The following MYO10 variants were observed in gnomAD, a reference collection of about 807,000 sequenced individuals.
The protein encoded by MYO10 is myosin X.
In MYO10, 133 loss-of-function variants were observed where a neutral mutation model predicts 257.3. The observed-to-expected ratio is 0.52, with a 90% CI of 0.45 to 0.60. MYO10 has a LOEUF of 0.60. Ranked by LOEUF, MYO10 falls within the 20% of genes least tolerant of loss-of-function variation. MYO10 has a pLI of 0.00. For missense variants in MYO10, 2,399 were observed against 2,635.7 expected (o/e 0.91, Z 1.97); for synonymous variants, 1,104 against 1,028.6 (o/e 1.07, Z -1.40).
intron 1 of MYO10, among the ~76,000 whole-genome samples, chr5:16,922,986 G>A (rs1377732198): frequency 6.6e-6 from 1 of 152,008 alleles, no homozygotes. Flanking sequence ...AGCTGTGATA[G>A]TGCCACTGCA....
Position 16,662,471 on chromosome 5 carries a change from GCAC to G in MYO10, c.*4218_*4220del, listed in dbSNP as rs1736019000. On this transcript the variant is annotated 3_prime_UTR_variant, in exon 41 of 41. Transcript: ENST00000513610. The stretch of plus-strand genomic sequence containing the variant: ...CCCCAGTAGCTGGGACTACAGATGC[GCAC>G]CACCACACCTGGCTAATGTTAATTT... The G allele has an allele frequency of 1.3e-5, 2 of 151,580 alleles. No individual in the cohort carries two copies. Among genetic ancestry groups the G allele is most frequent in the Admixed American group, 1.3e-4 (2 of 15,184 alleles). 9.4% of individuals were successfully genotyped at this position (151,580 alleles called of 1,614,324 possible).
intron 4 of MYO10, among the ~76,000 whole-genome samples, chr5:16,790,382 A>T (rs1741715573): frequency 6.6e-6 from 1 of 152,140 alleles, no homozygotes; most frequent in Admixed American, 6.5e-5. Flanking sequence ...TATGTACTGC[A>T]AAGACCACAT....
rs56268767 is a variant in MYO10 at position 16,835,207 on chromosome 5, A to G, written c.121-17040T>C. On this transcript the variant is annotated intron_variant, in intron 2 of 40. Transcript: ENST00000513610. ...TAGAGGGGTGGGGAAGAATTTAGAG[A>G]TAACACACAAGGTATTTATTAATCC... 3.8e-3 allele frequency among the ~76,000 whole-genome samples: 572 copies of G among 152,218 alleles called. 4 individuals carry two copies. The highest frequency in any genetic ancestry group is 0.013 in the African/African-American group (552 of 41,538).
chr5:16,845,140 C>T (rs754580053), intron 2 of MYO10, among the ~76,000 whole-genome samples: 18 of 152,120 alleles, frequency 1.2e-4, no homozygotes, highest in Non-Finnish European at 2.1e-4. Flanking sequence ...CTTCCTGAGA[C>T]ACGGCCCAGA....
intron 3 of MYO10, chr5:16,815,425 T>C (rs1742573460): frequency 1.4e-6 from 1 of 700,724 alleles, no homozygotes; most frequent in African/African-American, 1.7e-5. Flanking sequence ...CATTGTGGAT[T>C]TGGAGTTTTT....
chr5:16,824,811 G>T lies in MYO10; in HGVS notation c.121-6644C>A, dbSNP rs183979392. On this transcript the variant is annotated intron_variant, in intron 2 of 40. Coordinates refer to ENST00000513610, the MANE Select transcript of MYO10 (RefSeq NM_012334.3). ...GAACCCGGGAGGCGGAGGTTGCAGT[G>T]AGCCAAGATCACACCACTACACACC... 1.5e-3 allele frequency among the ~76,000 whole-genome samples: 224 copies of T among 152,210 alleles called. 1 individual carries two copies. The highest frequency in any genetic ancestry group is 5.3e-3 in the African/African-American group (221 of 41,522).
At chr5:16,713,546 G>C in intron 19 of MYO10, 2 of 909,408 alleles carry the variant, frequency 2.2e-6, no homozygotes, top group Non-Finnish European at 2.6e-6. Flanking sequence ...ATTTGACACA[G>C]CCAGGGGAGG....
At chr5:16,900,016 A>G (rs1398597697) in intron 1 of MYO10, among the ~76,000 whole-genome samples, 1 of 151,662 alleles carries the variant, frequency 6.6e-6, no homozygotes, top group African/African-American at 2.4e-5. Context: ...AAAAAAAAAA[A>G]AAAAAAAAGA....
intron 1 of MYO10, chr5:16,902,283 A>G (rs1161224436): frequency 1.3e-6 from 1 of 788,646 alleles, no homozygotes; most frequent in South Asian, 1.3e-5. Flanking sequence ...AGTCTTTAAG[A>G]ACTCAGCTCC....
intron 10 of MYO10, 145 bp from the exon 11 acceptor site, chr5:16,766,343 T>C (rs1437613273): frequency 6.1e-6 from 4 of 653,204 alleles, no homozygotes; most frequent in African/African-American, 5.4e-5. Context: ...CTCATTCCCT[T>C]AGTGAATCCT....
chr5:16,715,782 G>A (rs763433553), intron 19 of MYO10, among the ~76,000 whole-genome samples: 3 of 152,026 alleles, frequency 2.0e-5, no homozygotes, highest in Non-Finnish European at 4.4e-5. Flanking sequence ...AAGGCCAGGC[G>A]CGGTGGCTCA....
rs760130791 is a variant in MYO10, at chr5:16,683,947, C to G, written c.3991-12G>C. ...ACATCCAAGGTGCCCTGGAAAAGAA[C>G]AAAAAGTAAACAGAATGAGAGAAGC... On this transcript the variant is annotated splice_polypyrimidine_tract_variant and intron_variant, in intron 29 of 40. Coordinates refer to ENST00000513610, the MANE Select transcript of MYO10 (RefSeq NM_012334.3). 1 of 1,612,216 alleles carries G rather than the reference C, an allele frequency of 6.2e-7. No individual in the cohort carries two copies. Among genetic ancestry groups the G allele is most frequent in the East Asian group, 2.2e-5 (1 of 44,864 alleles).
intron 2 of MYO10, among the ~76,000 whole-genome samples, chr5:16,874,103 C>T (rs535687641): frequency 8.6e-5 from 13 of 151,976 alleles, no homozygotes; most frequent in African/African-American, 1.9e-4. Context: ...GGGAGGCCAA[C>T]GTGGGTGGAT....
intron 9 of MYO10, among the ~76,000 whole-genome samples, chr5:16,778,614 C>A (rs962599145): frequency 6.6e-6 from 1 of 151,310 alleles, no homozygotes; most frequent in Non-Finnish European, 1.5e-5. Context: ...TGCTCTCTTC[C>A]GCTCCTGTAG....
chr5:16,751,070 A>C (rs6890128), intron 19 of MYO10, among the ~76,000 whole-genome samples: 39,279 of 152,082 alleles, frequency 0.26, 5,294 homozygotes, highest in South Asian at 0.33. Flanking sequence ...ATAATACACA[A>C]AATACCTAAA....
chr5:16,795,251 G>C (rs187580671), intron 3 of MYO10, among the ~76,000 whole-genome samples: 3 of 152,220 alleles, frequency 2.0e-5, no homozygotes, highest in Admixed American at 1.3e-4. Flanking sequence ...CCAGGGGTTG[G>C]GGGAGAAGGA....
chr5:16,853,778 G>C (rs1743881340), intron 2 of MYO10, among the ~76,000 whole-genome samples: 1 of 152,158 alleles, frequency 6.6e-6, no homozygotes, highest in South Asian at 2.1e-4. Context: ...CAGTGGGAGA[G>C]AAGAGCGGGT....
chr5:16,857,160 T>G (rs1260225777), intron 2 of MYO10, among the ~76,000 whole-genome samples: 1 of 152,212 alleles, frequency 6.6e-6, no homozygotes, highest in Admixed American at 6.5e-5. Context: ...CACACAGGCT[T>G]GTCCTCATTT....
intron 17 of MYO10, among the ~76,000 whole-genome samples, chr5:16,760,541 T>C (rs758435128): frequency 1.3e-5 from 2 of 151,882 alleles, no homozygotes; most frequent in Non-Finnish European, 2.9e-5. Context: ...TCACTGCAAG[T>C]TTCTGTGTGT....
Sources: gnomAD v4.1 joint callset for allele counts (sites outside exome capture counted in the v4.1 genomes callset) on GRCh38, gnomAD v4.1.1 for gene constraint, MANE v1.5 for transcripts, NCBI Gene and HGNC (gene_info 2026-07-23, HGNC 2026-07-21) for gene names.